USP25: variants seen among roughly 807,000 people sequenced by gnomAD.
USP25 encodes ubiquitin carboxyl-terminal hydrolase 25.
In USP25, 85 loss-of-function variants were observed where a neutral mutation model predicts 158.5. That is an observed-to-expected ratio of 0.54 (90% CI 0.45 to 0.64). The LOEUF (loss-of-function observed/expected upper bound fraction) is 0.64, where lower values mean the gene tolerates loss of function less well. Among genes scored for constraint, USP25 ranks in the 30% least tolerant of loss-of-function variants. USP25 has a pLI of 0.00. For missense variants in USP25, 1,242 were observed against 1,327.3 expected (o/e 0.94, Z 1.00); for synonymous variants, 464 against 460.4 (o/e 1.01, Z -0.10).
intron 3 of USP25, among the ~76,000 whole-genome samples, chr21:15,772,491 A>G (rs1024623156): frequency 6.6e-6 from 1 of 152,212 alleles, no homozygotes; most frequent in African/African-American, 2.4e-5. Context: ...TAATGTTTTT[A>G]GTGTTTTACC....
In USP25 at chr21:15,824,019, ATTGTT is replaced by A. The variant is rs768392847; in HGVS notation, c.1081-17_1081-13del. 4.4e-6 allele frequency: 7 copies of A among 1,604,016 alleles called. No homozygotes were observed. The highest frequency in any genetic ancestry group is 4.0e-5 in the African/African-American group (3 of 74,520). On this transcript the variant is annotated splice_polypyrimidine_tract_variant and intron_variant, in intron 10 of 25. Coordinates refer to ENST00000400183, the MANE Select transcript of USP25 (RefSeq NM_001283041.3). Reference sequence around the variant, plus strand: ...CAAAGGTGGTATTAAAGTTTTTGTTATTGTTTTATTTCCTTTCAGCATTGGTTTAC... The same window carrying A: ...CAAAGGTGGTATTAAAGTTTTTGTTATTATTTCCTTTCAGCATTGGTTTAC...
chr21:15,809,959 A>G (rs1364731443), intron 8 of USP25, among the ~76,000 whole-genome samples: 1 of 152,138 alleles, frequency 6.6e-6, no homozygotes, highest in African/African-American at 2.4e-5. Context: ...ACTCTTAGCA[A>G]CAGAAAGTAG....
chr21:15,769,693 C>G (rs779102406), intron 3 of USP25, among the ~76,000 whole-genome samples: 4 of 152,052 alleles, frequency 2.6e-5, no homozygotes, highest in Non-Finnish European at 5.9e-5. Flanking sequence ...TAGACATGAC[C>G]ATACAGCTCT....
At chr21:15,873,505 C>T (rs1385362377) in intron 23 of USP25, among the ~76,000 whole-genome samples, 1 of 151,408 alleles carries the variant, frequency 6.6e-6, no homozygotes, top group East Asian at 1.9e-4. Flanking sequence ...AATTCTATCA[C>T]TTCTTTTTTT....
rs968495202 is a variant in USP25, at chr21:15,732,256, T to C, written c.45+1818T>C. Among the ~76,000 whole-genome samples the C allele has an allele frequency of 4.6e-5, 7 of 152,252 alleles. No homozygotes were observed. In the East Asian group the frequency reaches 1.3e-3, roughly 29 times the overall value. ...TGTGTTTTAGATCATTTCATTGTTA[T>C]TGGGGATTTTTTTTAGAGAAACTTT... On this transcript the variant is annotated intron_variant, in intron 1 of 25. Transcript: ENST00000400183.
intron 3 of USP25, among the ~76,000 whole-genome samples, chr21:15,775,508 CTGAG>C (rs2034588663): frequency 6.6e-6 from 1 of 152,126 alleles, no homozygotes; most frequent in Non-Finnish European, 1.5e-5. Context: ...TCTTGGACTA[CTGAG>C]TTCAAGAACA....
chr21:15,751,096 A>G (rs571866204), intron 1 of USP25, among the ~76,000 whole-genome samples: 203 of 152,300 alleles, frequency 1.3e-3, no homozygotes, highest in Non-Finnish European at 2.5e-3. Context: ...GCTAGAGGGT[A>G]AAGAGAACTC....
chr21:15,790,838 A>G (rs763645230), intron 4 of USP25, among the ~76,000 whole-genome samples: 10 of 151,928 alleles, frequency 6.6e-5, no homozygotes, highest in South Asian at 4.1e-4. Flanking sequence ...GATATACTTA[A>G]GATATTCATA....
intron 20 of USP25, among the ~76,000 whole-genome samples, chr21:15,857,034 T>C (rs2146521038): frequency 6.6e-6 from 1 of 152,340 alleles, no homozygotes; most frequent in Non-Finnish European, 1.5e-5. Flanking sequence ...TTTAGGAAAC[T>C]GTCTCCTACT....
Position 15,875,477 on chromosome 21 carries a change from A to G in USP25, c.3009+951A>G, listed in dbSNP as rs1371655326. Among the ~76,000 whole-genome samples, 1 of 152,218 alleles carries G rather than the reference A, an allele frequency of 6.6e-6. No homozygotes were observed. Among genetic ancestry groups the G allele is most frequent in the Non-Finnish European group, 1.5e-5 (1 of 68,036 alleles). ...TACAAAGTGTCAGGTTCTGAGGGATACAAACATGAGTAAGATGTACTTCCT... is the reference window on the plus strand; with the variant it reads ...TACAAAGTGTCAGGTTCTGAGGGATGCAAACATGAGTAAGATGTACTTCCT... On this transcript the variant is annotated intron_variant, in intron 24 of 25. Coordinates refer to ENST00000400183, the MANE Select transcript of USP25 (RefSeq NM_001283041.3). The surrounding 1 kb of genome is among the most constrained non-coding windows in gnomAD (Gnocchi z 4.7).
At chr21:15,760,791 C>CAGG (rs1310267682) in intron 1 of USP25, among the ~76,000 whole-genome samples, 2 of 152,124 alleles carry the variant, frequency 1.3e-5, no homozygotes, top group African/African-American at 4.8e-5. Flanking sequence ...TAGTAAGTTG[C>CAGG]AGGCATCATG....
At chr21:15,759,929 A>G (rs887760834) in intron 1 of USP25, among the ~76,000 whole-genome samples, 10 of 152,158 alleles carry the variant, frequency 6.6e-5, no homozygotes, top group African/African-American at 2.4e-4. Flanking sequence ...ATCCATTTTG[A>G]TACTTCCTGG....
At chr21:15,824,528 C>CTCTGTCTTCCTGTCTT (rs377361510) in intron 11 of USP25, among the ~76,000 whole-genome samples, 4,017 of 151,988 alleles carry the variant, frequency 0.026, 189 homozygotes, top group African/African-American at 0.089. Context: ...CTTTCTGTCT[C>CTCTGTCTTCCTGTCTT]TCTGTCTTCC....
At chr21:15,752,613 A>T (rs2033104680) in intron 1 of USP25, among the ~76,000 whole-genome samples, 1 of 152,218 alleles carries the variant, frequency 6.6e-6, no homozygotes, top group Non-Finnish European at 1.5e-5. Flanking sequence ...GGGAGGATGG[A>T]AACCATCATT....
intron 9 of USP25, among the ~76,000 whole-genome samples, chr21:15,815,261 G>A (rs1753918988): frequency 6.6e-6 from 1 of 152,198 alleles, no homozygotes; most frequent in Admixed American, 6.5e-5. Context: ...GCAGAAGTTT[G>A]CTACAGAGTT....
At position 15,878,431 on chromosome 21, in the gene USP25, C is replaced by G. The variant is rs560823930; in HGVS notation, c.3334C>G (p.Arg1112Gly). 6.2e-7 allele frequency: 1 copy of G among 1,613,942 alleles called. No individual in the cohort carries two copies. The highest frequency in any genetic ancestry group is 1.7e-5 in the Admixed American group (1 of 59,996). ...GCATGAACTCTGTGAGCGATTTGCC[C>G]GAATCATGTTGTCCCTCAGTCGAAC... Reference protein sequence around the residue: ...STHELCERFARIMLSLSRTPA... With the variant: ...STHELCERFAGIMLSLSRTPA... Residue 1112 changes from arginine to glycine, a missense_variant, in exon 26 of 26, where the codon CGA becomes GGA. By Grantham distance (125) the Arg-to-Gly change is moderately radical (BLOSUM62 -2). Transcript: ENST00000400183.
intron 14 of USP25, among the ~76,000 whole-genome samples, chr21:15,829,591 T>C (rs1327838382): frequency 1.3e-5 from 2 of 152,226 alleles, no homozygotes; most frequent in Non-Finnish European, 2.9e-5. Context: ...TATATTGTTC[T>C]GTAAATTTCT....
At chr21:15,860,971 TATATAGAGAG>T (rs2039401952) in intron 20 of USP25, among the ~76,000 whole-genome samples, 2 of 143,566 alleles carry the variant, frequency 1.4e-5, no homozygotes, top group Non-Finnish European at 3.0e-5. Context: ...TATATATATA[TATATAGAGAG>T]AGAGAGAGAG....
In USP25 at chr21:15,847,774, G is replaced by T; in HGVS notation, c.2449G>T (p.Glu817Ter). The T allele has an allele frequency of 6.5e-7, 1 of 1,545,196 alleles. No individual in the cohort carries two copies. Among genetic ancestry groups the T allele is most frequent in the East Asian group, 2.4e-5 (1 of 40,862 alleles). Residue 817 changes from glutamate to a stop codon, truncating the protein, a stop_gained and splice_region_variant, in exon 19 of 26, where the codon GAG becomes TAG. Coordinates refer to ENST00000400183, the MANE Select transcript of USP25 (RefSeq NM_001283041.3). LOFTEE classifies it high-confidence loss of function. ...ATCAAAGGAGGGGGGGTATGATGACGAGGTACCTTTTACAGCCCTCTGCAC... is the reference window on the plus strand; with the variant it reads ...ATCAAAGGAGGGGGGGTATGATGACTAGGTACCTTTTACAGCCCTCTGCAC... ...IESKEGGYDD[E>*]IMMTPNMQGI...
Sources: allele counts gnomAD v4.1 joint callset (sites outside exome capture counted in the v4.1 genomes callset), GRCh38; gene constraint gnomAD v4.1.1; non-coding constraint Gnocchi (gnomAD v3.1); transcripts MANE v1.5; gene names NCBI Gene and HGNC (gene_info 2026-07-23, HGNC 2026-07-21).